The following TMC7 variants were observed in gnomAD, a reference collection of about 807,000 sequenced individuals.
The protein encoded by TMC7 is transmembrane channel like 7.
A neutral mutation model predicts 82.9 loss-of-function variants in TMC7; 54 were observed. That is an observed-to-expected ratio of 0.65 (90% CI 0.52 to 0.82). TMC7 has a LOEUF of 0.82. Ranked by LOEUF, TMC7 falls within the 40% of genes least tolerant of loss-of-function variation. The pLI is 0.00. For synonymous variants in TMC7, 350 were observed against 337.9 expected (o/e 1.04, Z -0.39); for missense variants, 820 against 901.2 (o/e 0.91, Z 1.15).
At chr16:19,043,001 C>G (rs1021671479) in intron 9 of TMC7, among the ~76,000 whole-genome samples, 1 of 152,086 alleles carries the variant, frequency 6.6e-6, no homozygotes, top group African/African-American at 2.4e-5. Flanking sequence ...CCACCTCGGC[C>G]TCCCAAAGTG....
intron 2 of TMC7, among the ~76,000 whole-genome samples, chr16:19,011,547 A>AAAT (rs1233875729): frequency 4.0e-5 from 6 of 149,454 alleles, no homozygotes; most frequent in Non-Finnish European, 5.9e-5. Flanking sequence ...ATAAATAAAT[A>AAAT]AAATAATAAT....
At chr16:18,994,005 A>G (rs139895277) in intron 1 of TMC7, among the ~76,000 whole-genome samples, 2 of 152,254 alleles carry the variant, frequency 1.3e-5, no homozygotes, top group Non-Finnish European at 2.9e-5. Flanking sequence ...CAGGAAAGAA[A>G]GAAATATGGG....
chr16:19,002,729 C>T (rs2142151816), intron 1 of TMC7, among the ~76,000 whole-genome samples: 1 of 152,340 alleles, frequency 6.6e-6, no homozygotes, highest in East Asian at 1.9e-4. Flanking sequence ...GCCCCAGTGA[C>T]CAAGAAGTTC....
Position 19,053,680 on chromosome 16 carries a change from G to A in TMC7, c.1871+1864G>A, listed in dbSNP as rs537867436. Among the ~76,000 whole-genome samples the A allele has an allele frequency of 2.6e-5, 4 of 152,252 alleles. No homozygotes were observed. In the East Asian group the frequency reaches 5.8e-4, roughly 22 times the overall value. ...GGTCTCCCAAAGTGCTGGGATTACA[G>A]GCGTGAGCCACTGTGCTCGGCCTGA... On this transcript the variant is annotated intron_variant, in intron 13 of 15. Transcript: ENST00000304381.
At chr16:18,999,328 A>G (rs2039100596) in intron 1 of TMC7, among the ~76,000 whole-genome samples, 1 of 152,198 alleles carries the variant, frequency 6.6e-6, no homozygotes, top group Non-Finnish European at 1.5e-5. Context: ...TAATAGTCCC[A>G]TGTGGCCAGT....
chr16:18,984,013 C>T lies in TMC7; in HGVS notation c.-51C>T. ...AAGGCCGGGGAGGCGGCGGCGGCGG[C>T]GGCGGCTGGAGAGGGTCCTCGGCAG... On this transcript the variant is annotated 5_prime_UTR_variant, in exon 1 of 16. Coordinates refer to ENST00000304381, the MANE Select transcript of TMC7 (RefSeq NM_024847.4). 7.3e-7 allele frequency: 1 copy of T among 1,373,732 alleles called. No homozygotes were observed. Among genetic ancestry groups the T allele is most frequent in the Non-Finnish European group, 9.3e-7 (1 of 1,070,608 alleles). 85.1% of individuals were successfully genotyped at this position (1,373,732 alleles called of 1,614,324 possible). A position where few individuals can be genotyped will look rare whatever the true frequency, so the allele number is the denominator to read the frequency against.
chr16:18,984,224 T>C, intron 1 of TMC7, 94 bp downstream of exon 1: 5 of 1,369,996 alleles, frequency 3.6e-6, no homozygotes, highest in Non-Finnish European at 4.7e-6. Flanking sequence ...CTGGCCGCTG[T>C]TCCCTCCCAC....
chr16:19,002,083 G>A (rs942899398), intron 1 of TMC7, among the ~76,000 whole-genome samples: 3 of 152,104 alleles, frequency 2.0e-5, no homozygotes, highest in Non-Finnish European at 2.9e-5. Flanking sequence ...TACTTGGCTG[G>A]TGCCCACATC....
intron 1 of TMC7, among the ~76,000 whole-genome samples, chr16:19,000,460 G>C (rs984156289): frequency 6.6e-6 from 1 of 152,124 alleles, no homozygotes; most frequent in East Asian, 1.9e-4. Context: ...GGGTGACAGA[G>C]CAAGACTCTG....
In TMC7 at chr16:19,023,159, C is replaced by A. The variant is rs764399604; in HGVS notation, c.675C>A (p.Tyr225Ter). 2 of 1,609,932 alleles carry A rather than the reference C, an allele frequency of 1.2e-6. No homozygotes were observed. The highest frequency in any genetic ancestry group is 1.7e-6 in the Non-Finnish European group (2 of 1,176,912). ...CAGTAAGCAGTTCTGGACTCATTTA[C>A]TTTTACAGTTATATCATAGACTTGC... ...VYPVSSSGLI[Y>*]FYSYIIDLLS... Residue 225 changes from tyrosine (Y) to a stop codon, truncating the protein, a stop_gained, in exon 5 of 16, where the codon TAC (tyrosine) becomes TAA (stop). Transcript: ENST00000304381. LOFTEE classifies it high-confidence loss of function.
intron 3 of TMC7, 143 bp from the exon 4 acceptor site, chr16:19,021,486 C>G: frequency 2.4e-6 from 2 of 829,156 alleles, no homozygotes; most frequent in African/African-American, 3.4e-5. Context: ...AGTCTTAAAG[C>G]TAACAATTGA....
chr16:18,997,815 C>T (rs189077131), intron 1 of TMC7, among the ~76,000 whole-genome samples: 2 of 151,170 alleles, frequency 1.3e-5, no homozygotes, highest in East Asian at 3.9e-4. Context: ...CTGCAAGCTC[C>T]GCCTCCCGGG....
chr16:19,009,343 G>C lies in TMC7; in HGVS notation c.239G>C (p.Arg80Thr). 6.2e-7 allele frequency: 1 copy of C among 1,614,184 alleles called. No homozygotes were observed. Among genetic ancestry groups the C allele is most frequent in the Non-Finnish European group, 8.5e-7 (1 of 1,180,024 alleles). The change falls in exon 2 of 16, where the codon AGA becomes ACA. Residue 80 changes from arginine (R) to threonine (T), a missense_variant. Transcript: ENST00000304381. ...TCTTACAGCTCCCAGCTGGAGGACA[G>C]AATCGCTGAAAACCTCAGCAGCCAT... The part of the protein sequence containing the change: ...TDSYSSQLED[R>T]IAENLSSHSL...
chr16:19,003,061 T>C (rs561863177), intron 1 of TMC7, among the ~76,000 whole-genome samples: 1 of 152,316 alleles, frequency 6.6e-6, no homozygotes, highest in South Asian at 2.1e-4. Context: ...CCAAGGGTGG[T>C]GGCTTATGCC....
At chr16:19,019,012 G>C (rs1172874312) in intron 3 of TMC7, among the ~76,000 whole-genome samples, 2 of 152,122 alleles carry the variant, frequency 1.3e-5, no homozygotes, top group Non-Finnish European at 2.9e-5. Flanking sequence ...CACCAGGCCG[G>C]CTAATTTTTG....
At chr16:19,047,773 C>T (rs1292986142) in intron 12 of TMC7, among the ~76,000 whole-genome samples, 2 of 145,618 alleles carry the variant, frequency 1.4e-5, no homozygotes, top group African/African-American at 2.6e-5. Context: ...AGTGCAGTGG[C>T]ACGATCTCGG....
At chr16:19,023,293 C>A in intron 5 of TMC7, 98 bp downstream of exon 5, 1 of 705,382 alleles carries the variant, frequency 1.4e-6, no homozygotes, top group Non-Finnish European at 2.3e-6. Flanking sequence ...GAGAGCTAAA[C>A]ACAAGTGTTG....
chr16:19,027,496 AG>A (rs1296019672), intron 5 of TMC7, among the ~76,000 whole-genome samples: 1 of 152,206 alleles, frequency 6.6e-6, no homozygotes, highest in Non-Finnish European at 1.5e-5. Flanking sequence ...GAGATCAAAC[AG>A]GGGCTTGTTT....
chr16:18,984,815 A>G (rs958807089), intron 1 of TMC7, among the ~76,000 whole-genome samples: 2 of 152,216 alleles, frequency 1.3e-5, no homozygotes, highest in African/African-American at 4.8e-5. Context: ...ACGGCTGCCC[A>G]GTCAGGATAA....
Sources: allele counts gnomAD v4.1 joint callset (sites outside exome capture counted in the v4.1 genomes callset), GRCh38; gene constraint gnomAD v4.1.1; transcripts MANE v1.5; gene names NCBI Gene and HGNC (gene_info 2026-07-23, HGNC 2026-07-21).